Variants in PPHLN1 observed in about 807,000 individuals in gnomAD.
PPHLN1 encodes periphilin 1, also known as periphilin-1.
Under a neutral mutation model 51.3 loss-of-function variants are expected in PPHLN1, and 29 were observed. The ratio of observed to expected loss-of-function variants is 0.57; its 90% confidence interval spans 0.42 to 0.77. The LOEUF (loss-of-function observed/expected upper bound fraction) is 0.77, where lower values mean the gene tolerates loss of function less well. Ranked by LOEUF, PPHLN1 falls within the 30% of genes least tolerant of loss-of-function variation. The probability of loss-of-function intolerance (pLI) is 0.00; values close to 1 mark genes in which losing one functional copy is unlikely to be tolerated. For missense variants in PPHLN1, 436 were observed against 438.4 expected (o/e 0.99, Z 0.05); for synonymous variants, 147 against 147.8 (o/e 0.99, Z 0.04).
At chr12:42,435,408 G>T (rs1198426557) in intron 9 of PPHLN1, among the ~76,000 whole-genome samples, 2 of 152,290 alleles carry the variant, frequency 1.3e-5, no homozygotes, top group East Asian at 3.9e-4. Flanking sequence ...TAGGAGCTGT[G>T]TTTTTAAGAG....
At chr12:42,400,017 A>T (rs1398772345) in intron 9 of PPHLN1, 1 of 152,206 alleles carries the variant, frequency 6.6e-6, no homozygotes, top group Non-Finnish European at 1.5e-5. Flanking sequence ...TCTTTATTTT[A>T]TATAAAATTA....
chr12:42,375,228 C>G (rs1592522825), intron 5 of PPHLN1, 154 bp downstream of exon 5: 2 of 525,662 alleles, frequency 3.8e-6, no homozygotes, highest in South Asian at 5.4e-5. Context: ...AATAGTATAA[C>G]AAACACCATA....
chr12:42,342,530 A>T (rs2071659555), intron 2 of PPHLN1, among the ~76,000 whole-genome samples: 1 of 152,236 alleles, frequency 6.6e-6, no homozygotes, highest in African/African-American at 2.4e-5. Context: ...GCAACATAAA[A>T]TGTCGATTTT....
intron 9 of PPHLN1, among the ~76,000 whole-genome samples, chr12:42,422,677 C>T (rs1736735656): frequency 6.6e-6 from 1 of 152,152 alleles, no homozygotes; most frequent in Non-Finnish European, 1.5e-5. Context: ...ATGCTACGTA[C>T]TGAAAATATG....
At chr12:42,447,021 C>T (rs745646303), downstream of PPHLN1, 22 of 170,086 alleles carry the variant, frequency 1.3e-4, no homozygotes, top group Admixed American at 4.2e-4. Context: ...ACAAATGGTT[C>T]CAGCCTATCA....
chr12:42,396,872 A>C, intron 8 of PPHLN1, among the ~76,000 whole-genome samples: 1 of 151,528 alleles, frequency 6.6e-6, no homozygotes, highest in Admixed American at 6.6e-5. Context: ...GTACAAAAAA[A>C]AAAAAAATCC....
chr12:42,356,811 C>T (rs946723975), intron 4 of PPHLN1, among the ~76,000 whole-genome samples: 1 of 152,172 alleles, frequency 6.6e-6, no homozygotes, highest in Non-Finnish European at 1.5e-5. Flanking sequence ...GACATCTAGT[C>T]ACTGCTTCCA....
chr12:42,394,108 T>C (rs1391113415), intron 8 of PPHLN1, among the ~76,000 whole-genome samples: 1 of 152,122 alleles, frequency 6.6e-6, no homozygotes, highest in Non-Finnish European at 1.5e-5. Flanking sequence ...ATCTCATAAA[T>C]ATCCCAAGAA....
At chr12:42,374,751 G>A (rs2138764878) in intron 4 of PPHLN1, 112 bp from the exon 5 acceptor site, 1 of 903,818 alleles carries the variant, frequency 1.1e-6, no homozygotes, top group South Asian at 1.8e-5. Context: ...ACCGCACCCG[G>A]CCCCAAGAGT....
intron 8 of PPHLN1, 98 bp downstream of exon 8, chr12:42,393,787 A>G (rs752847125): frequency 8.4e-6 from 10 of 1,184,496 alleles, no homozygotes; most frequent in Non-Finnish European, 1.2e-5. Flanking sequence ...ATACTTCAAA[A>G]TATATCCTTA....
At chr12:42,434,281 G>C (rs1403387313) in intron 9 of PPHLN1, among the ~76,000 whole-genome samples, 1 of 152,198 alleles carries the variant, frequency 6.6e-6, no homozygotes, top group Non-Finnish European at 1.5e-5. Flanking sequence ...GGGGCCTGTT[G>C]GAGGCTGGGG....
At chr12:42,426,172 C>CACACACACA in intron 9 of PPHLN1, among the ~76,000 whole-genome samples, 1 of 122,126 alleles carries the variant, frequency 8.2e-6, no homozygotes, top group Non-Finnish European at 1.6e-5. Context: ...AGACTTGACA[C>CACACACACA]CACACACACA....
At chr12:42,438,748 T>C (rs2082690134) in intron 9 of PPHLN1, among the ~76,000 whole-genome samples, 1 of 152,102 alleles carries the variant, frequency 6.6e-6, no homozygotes, top group Non-Finnish European at 1.5e-5. Context: ...ATTACAGGCA[T>C]GCGTCACCAC....
intron 4 of PPHLN1, among the ~76,000 whole-genome samples, chr12:42,374,039 T>G (rs1249318545): frequency 6.6e-6 from 1 of 152,164 alleles, no homozygotes; most frequent in African/African-American, 2.4e-5. Context: ...TCCCCAGTTA[T>G]GATAATCAAA....
chr12:42,366,219 G>A (rs1213371246), intron 4 of PPHLN1, among the ~76,000 whole-genome samples: 1 of 142,666 alleles, frequency 7.0e-6, no homozygotes, highest in Non-Finnish European at 1.5e-5. Context: ...CACTAGTACC[G>A]GACACTTTTT....
intron 2 of PPHLN1, 78 bp from the exon 3 acceptor site, chr12:42,351,807 C>T: frequency 8.1e-7 from 1 of 1,236,782 alleles, no homozygotes; most frequent in Non-Finnish European, 1.1e-6. Flanking sequence ...GGTAAGAACT[C>T]CTGTGCTTTT....
At chr12:42,355,077 C>G in intron 3 of PPHLN1, 84 bp from the exon 4 acceptor site, 1 of 1,260,876 alleles carries the variant, frequency 7.9e-7, no homozygotes, top group East Asian at 2.3e-5. Context: ...GAAATTCGGT[C>G]TAGTTTCTGG....
At chr12:42,366,601 C>T (rs2075300364) in intron 4 of PPHLN1, among the ~76,000 whole-genome samples, 1 of 151,658 alleles carries the variant, frequency 6.6e-6, no homozygotes, top group South Asian at 2.1e-4. Flanking sequence ...GTTGCCCAGG[C>T]TGGTCTCTAA....
At chr12:42,398,769 T>C in intron 8 of PPHLN1, 85 bp from the exon 9 acceptor site, 1 of 1,178,164 alleles carries the variant, frequency 8.5e-7, no homozygotes, top group Non-Finnish European at 1.2e-6. Flanking sequence ...TTAATATAAT[T>C]TGCCAGTTAG....
Sources: allele counts gnomAD v4.1 joint callset (sites outside exome capture counted in the v4.1 genomes callset), GRCh38; gene constraint gnomAD v4.1.1; transcripts MANE v1.5; gene names NCBI Gene and HGNC (gene_info 2026-07-23, HGNC 2026-07-21).